The following CNTNAP2 variants were observed in gnomAD, a reference collection of about 807,000 sequenced individuals.
CNTNAP2 encodes contactin-associated protein-like 2.
CNTNAP2 carries 98 observed loss-of-function variants against 155.2 expected under a neutral mutation model. That is an observed-to-expected ratio of 0.63 (90% confidence interval 0.54 to 0.75). The LOEUF is 0.75. Ranked by LOEUF, CNTNAP2 falls within the 30% of genes least tolerant of loss-of-function variation. The probability of loss-of-function intolerance (pLI) is 0.00; values close to 1 mark genes in which losing one functional copy is unlikely to be tolerated. For missense variants in CNTNAP2, 1,727 were observed against 1,688.1 expected (o/e 1.02, Z -0.40); for synonymous variants, 651 against 631.2 (o/e 1.03, Z -0.47).
intron 13 of CNTNAP2, among the ~76,000 whole-genome samples, chr7:147,839,021 A>G (rs1251203746): frequency 6.6e-6 from 1 of 152,234 alleles, no homozygotes. Flanking sequence ...GCTGAGGGGC[A>G]AGGAAGCAAG....
chr7:146,534,196 A>G (rs932827139), intron 1 of CNTNAP2, among the ~76,000 whole-genome samples: 4 of 152,160 alleles, frequency 2.6e-5, no homozygotes, highest in Non-Finnish European at 4.4e-5. Flanking sequence ...TGGTGAGAGT[A>G]AAAATATAGA....
chr7:147,731,452 G>A lies in CNTNAP2; in HGVS notation c.2098+92146G>A, dbSNP rs76202614. Among the ~76,000 whole-genome samples the A allele has an allele frequency of 3.8e-3, 575 of 152,026 alleles. 5 individuals are homozygous for A. Among genetic ancestry groups the A allele is most frequent in the African/African-American group, 0.013 (545 of 41,498 alleles). The stretch of plus-strand genomic sequence containing the variant: ...AAGACAGCACATCTGTTTATGCATG[G>A]CTTACTAAATATTTTAAGCCCACTA... On this transcript the variant is annotated intron_variant, in intron 13 of 23. Transcript: ENST00000361727.
chr7:146,429,165 A>G (rs1211700224), intron 1 of CNTNAP2, among the ~76,000 whole-genome samples: 1 of 152,052 alleles, frequency 6.6e-6, no homozygotes, highest in Non-Finnish European at 1.5e-5. Context: ...AGGTATTGTG[A>G]TGCCTCCATC....
intron 2 of CNTNAP2, among the ~76,000 whole-genome samples, chr7:146,830,045 A>C (rs980943853): frequency 6.6e-6 from 1 of 152,102 alleles, no homozygotes; most frequent in Non-Finnish European, 1.5e-5. Context: ...TTATAGGTTT[A>C]GAAATATCTT....
intron 22 of CNTNAP2, among the ~76,000 whole-genome samples, chr7:148,403,385 T>C (rs1799632137): frequency 6.6e-6 from 1 of 152,102 alleles, no homozygotes; most frequent in African/African-American, 2.4e-5. Flanking sequence ...GCACCATGCT[T>C]TGGTGGTTAA....
intron 13 of CNTNAP2, among the ~76,000 whole-genome samples, chr7:147,726,866 T>C (rs1796652412): frequency 6.6e-6 from 1 of 152,070 alleles, no homozygotes. Flanking sequence ...AGCATGTTTA[T>C]ATTATAATTA....
At chr7:148,146,760 A>G (rs918495093) in intron 16 of CNTNAP2, among the ~76,000 whole-genome samples, 8 of 152,140 alleles carry the variant, frequency 5.3e-5, no homozygotes, top group Non-Finnish European at 1.2e-4. Context: ...CACCCTCATT[A>G]CACCAACAAT....
At chr7:148,134,246 T>C (rs1031080105) in intron 16 of CNTNAP2, among the ~76,000 whole-genome samples, 6 of 152,030 alleles carry the variant, frequency 3.9e-5, no homozygotes, top group Non-Finnish European at 8.8e-5. Context: ...TTATGAAGAG[T>C]GGTTGATATT....
chr7:147,372,265 T>C (rs1382612051), intron 9 of CNTNAP2, among the ~76,000 whole-genome samples: 1 of 152,138 alleles, frequency 6.6e-6, no homozygotes, highest in Non-Finnish European at 1.5e-5. Flanking sequence ...GTGAGTCTTC[T>C]GAGCCTATTA....
rs368291210 is a variant in CNTNAP2, at chr7:147,730,328, C to A, written c.2098+91022C>A. Among the ~76,000 whole-genome samples, 9 of 152,186 alleles carry A rather than the reference C, an allele frequency of 5.9e-5. No individual in the cohort carries two copies. The South Asian group carries it at 1.4e-3, about 24-fold the overall frequency. On this transcript the variant is annotated intron_variant, in intron 13 of 23. Coordinates refer to ENST00000361727, the MANE Select transcript of CNTNAP2 (RefSeq NM_014141.6). The stretch of plus-strand genomic sequence containing the variant: ...TCACAAATTGAAGGTTTGTGACAAC[C>A]CTGTTTTAAGCCAACCCTATTGGCG...
At chr7:148,320,576 G>T (rs1174191969) in intron 21 of CNTNAP2, among the ~76,000 whole-genome samples, 4 of 151,656 alleles carry the variant, frequency 2.6e-5, no homozygotes, top group Admixed American at 2.6e-4. Context: ...TAGAGATGGG[G>T]TTTCATCATG....
At chr7:148,407,703 TAAA>T (rs57666141) in intron 22 of CNTNAP2, among the ~76,000 whole-genome samples, 1 of 93,124 alleles carries the variant, frequency 1.1e-5, no homozygotes, top group Non-Finnish European at 2.3e-5. Flanking sequence ...GACCAAATCT[TAAA>T]AAAAAAAAAA....
chr7:146,316,911 C>T (rs1800916789), intron 1 of CNTNAP2, among the ~76,000 whole-genome samples: 1 of 152,008 alleles, frequency 6.6e-6, no homozygotes, highest in African/African-American at 2.4e-5. Context: ...ACACTGAATC[C>T]AGAAGCATAG....
chr7:148,210,116 G>C (rs1795518382), intron 18 of CNTNAP2, among the ~76,000 whole-genome samples: 1 of 151,398 alleles, frequency 6.6e-6, no homozygotes, highest in Non-Finnish European at 1.5e-5. Context: ...GAGGAAAATA[G>C]AGGTTCAGGG....
At chr7:146,984,149 A>T (rs963746358) in intron 3 of CNTNAP2, among the ~76,000 whole-genome samples, 7 of 151,850 alleles carry the variant, frequency 4.6e-5, no homozygotes, top group Non-Finnish European at 1.0e-4. Context: ...GGGTGGCTCA[A>T]CTGAGGTCGG....
At chr7:146,195,182 G>T (rs1422648457) in intron 1 of CNTNAP2, 2 of 152,140 alleles carry the variant, frequency 1.3e-5, no homozygotes, top group African/African-American at 4.8e-5. Context: ...CAGTATTTAT[G>T]TATACAATTG....
At chr7:147,630,771 A>G (rs1344799818) in intron 12 of CNTNAP2, among the ~76,000 whole-genome samples, 3 of 152,206 alleles carry the variant, frequency 2.0e-5, no homozygotes, top group Admixed American at 6.5e-5. Context: ...AAAGTCCAGC[A>G]TCCCTTTACG....
At chr7:146,276,687 A>G (rs1205493535) in intron 1 of CNTNAP2, among the ~76,000 whole-genome samples, 1 of 152,160 alleles carries the variant, frequency 6.6e-6, no homozygotes, top group Non-Finnish European at 1.5e-5. Context: ...CTCAGCAGCC[A>G]TGTTAGGTAT....
At chr7:148,407,885 T>G (rs866044485) in intron 22 of CNTNAP2, among the ~76,000 whole-genome samples, 5 of 152,132 alleles carry the variant, frequency 3.3e-5, no homozygotes, top group Non-Finnish European at 4.4e-5. Flanking sequence ...CAACTGATAG[T>G]TGAGATAATT....
Sources: gnomAD v4.1 joint callset for allele counts (sites outside exome capture counted in the v4.1 genomes callset) on GRCh38, gnomAD v4.1.1 for gene constraint, MANE v1.5 for transcripts, NCBI Gene and HGNC (gene_info 2026-07-23, HGNC 2026-07-21) for gene names.